NPAS3: variants seen among roughly 807,000 people sequenced by gnomAD.
The protein encoded by NPAS3 is neuronal PAS domain-containing protein 3.
Under a neutral mutation model 73.1 loss-of-function variants are expected in NPAS3, and 14 were observed. The ratio of observed to expected loss-of-function variants is 0.19; its 90% confidence interval spans 0.13 to 0.30. The LOEUF (loss-of-function observed/expected upper bound fraction) is 0.30. Among genes scored for constraint, NPAS3 ranks in the 10% least tolerant of loss-of-function variants. The pLI, the probability that NPAS3 is intolerant of heterozygous loss-of-function variation, is 1.00. For missense variants in NPAS3, 1,096 were observed against 1,250.0 expected (o/e 0.88, Z 1.86); for synonymous variants, 620 against 541.5 (o/e 1.14, Z -2.01).
intron 4 of NPAS3, among the ~76,000 whole-genome samples, chr14:33,374,007 CAGGACACA>C (rs1389245081): frequency 3.9e-5 from 6 of 152,014 alleles, no homozygotes; most frequent in Non-Finnish European, 7.4e-5. Flanking sequence ...CCCTCTTGTT[CAGGACACA>C]AATGTGTCCT....
At chr14:33,639,193 C>A (rs1204688387) in intron 5 of NPAS3, among the ~76,000 whole-genome samples, 1 of 152,092 alleles carries the variant, frequency 6.6e-6, no homozygotes, top group African/African-American at 2.4e-5. Flanking sequence ...CGTTTAAGCC[C>A]CTCTGTAGCT....
At chr14:33,288,415 T>C (rs2041965441) in intron 3 of NPAS3, among the ~76,000 whole-genome samples, 1 of 152,124 alleles carries the variant, frequency 6.6e-6, no homozygotes, top group South Asian at 2.1e-4. Context: ...AACTTTGGAA[T>C]GGGCGAGCAT....
At chr14:33,194,157 G>GT (rs1232758275) in intron 2 of NPAS3, among the ~76,000 whole-genome samples, 3 of 152,170 alleles carry the variant, frequency 2.0e-5, no homozygotes, top group Non-Finnish European at 4.4e-5. Context: ...AATCACTGTA[G>GT]TTAGTGTAAA....
intron 2 of NPAS3, among the ~76,000 whole-genome samples, chr14:33,072,217 C>A (rs778973633): frequency 1.3e-5 from 2 of 152,160 alleles, no homozygotes; most frequent in African/African-American, 4.8e-5. Flanking sequence ...AAAGTGTCAA[C>A]TTTGCTTTTA....
intron 5 of NPAS3, among the ~76,000 whole-genome samples, chr14:33,630,120 C>A (rs2058337445): frequency 6.6e-6 from 1 of 152,144 alleles, no homozygotes; most frequent in South Asian, 2.1e-4. Flanking sequence ...TACTTTGTCT[C>A]CCCACATGTA....
At chr14:33,598,561 T>C (rs753664993) in intron 5 of NPAS3, among the ~76,000 whole-genome samples, 3 of 152,244 alleles carry the variant, frequency 2.0e-5, no homozygotes, top group Non-Finnish European at 4.4e-5. Flanking sequence ...AATTGATCTC[T>C]ATAGAATGAA....
At chr14:33,363,643 C>T (rs868019835) in intron 3 of NPAS3, among the ~76,000 whole-genome samples, 58 of 152,084 alleles carry the variant, frequency 3.8e-4, no homozygotes, top group African/African-American at 1.3e-3. Flanking sequence ...TATACTGGAC[C>T]TACTTTTGTT....
chr14:33,358,919 G>T (rs1036958671), intron 3 of NPAS3, among the ~76,000 whole-genome samples: 1 of 152,188 alleles, frequency 6.6e-6, no homozygotes, highest in Admixed American at 6.5e-5. Flanking sequence ...TAATTCCATA[G>T]CTTGAGATTG....
chr14:33,123,126 AAAT>A (rs1428098530), intron 2 of NPAS3, among the ~76,000 whole-genome samples: 6 of 152,154 alleles, frequency 3.9e-5, no homozygotes, highest in Admixed American at 1.3e-4. Context: ...TTAGATAATT[AAAT>A]AATAGTATTT....
intron 3 of NPAS3, among the ~76,000 whole-genome samples, chr14:33,239,436 A>C (rs1274924683): frequency 6.6e-6 from 1 of 151,874 alleles, no homozygotes; most frequent in Non-Finnish European, 1.5e-5. Context: ...ATAACAAAAC[A>C]GTTTTTTCAA....
chr14:33,655,115 CCCTT>C (rs1388140866), intron 5 of NPAS3, among the ~76,000 whole-genome samples: 5 of 152,018 alleles, frequency 3.3e-5, no homozygotes, highest in Admixed American at 3.3e-4. Flanking sequence ...TCAGTTCAGC[CCCTT>C]CCTTTTATAC....
At chr14:33,039,857 A>T (rs1389835107) in intron 1 of NPAS3, among the ~76,000 whole-genome samples, 10 of 152,208 alleles carry the variant, frequency 6.6e-5, no homozygotes, top group Admixed American at 6.5e-4. Context: ...AATCTGGCTA[A>T]CTTTAGATTG....
At chr14:33,550,183 G>T (rs969531405) in intron 4 of NPAS3, among the ~76,000 whole-genome samples, 1 of 151,890 alleles carries the variant, frequency 6.6e-6, no homozygotes, top group African/African-American at 2.4e-5. Context: ...TTGTTATTTG[G>T]GGTTTGTTTT....
intron 6 of NPAS3, among the ~76,000 whole-genome samples, chr14:33,687,237 TAATAA>T (rs1353118452): frequency 6.6e-6 from 1 of 152,166 alleles, no homozygotes; most frequent in Non-Finnish European, 1.5e-5. Context: ...AATCAATTGG[TAATAA>T]AATATGGAAA....
At chr14:33,123,035 T>C (rs1459243361) in intron 2 of NPAS3, among the ~76,000 whole-genome samples, 1 of 152,094 alleles carries the variant, frequency 6.6e-6, no homozygotes, top group East Asian at 1.9e-4. Context: ...TGGGAAATAC[T>C]GGCCGGACTG....
At chr14:33,748,804 CCTTT>C (rs2061878254) in intron 7 of NPAS3, among the ~76,000 whole-genome samples, 1 of 152,098 alleles carries the variant, frequency 6.6e-6, no homozygotes, top group Non-Finnish European at 1.5e-5. Flanking sequence ...TGCTTTAGCC[CCTTT>C]GAGACATTCT....
chr14:33,662,862 G>A (rs1442282614), intron 5 of NPAS3, among the ~76,000 whole-genome samples: 3 of 145,126 alleles, frequency 2.1e-5, no homozygotes, highest in African/African-American at 7.5e-5. Flanking sequence ...GAGACAATGG[G>A]GTTTTCCTTT....
At chr14:32,979,748 T>G (rs1259018749) in intron 1 of NPAS3, among the ~76,000 whole-genome samples, 3 of 152,148 alleles carry the variant, frequency 2.0e-5, no homozygotes, top group Non-Finnish European at 4.4e-5. Context: ...GTTTTGAAAT[T>G]TTCACTTTTT....
At chr14:33,461,866 A>G (rs1477477617) in intron 4 of NPAS3, among the ~76,000 whole-genome samples, 1 of 152,188 alleles carries the variant, frequency 6.6e-6, no homozygotes, top group African/African-American at 2.4e-5. Context: ...CCTGACACTC[A>G]GTTTCATCAC....
Sources: allele counts gnomAD v4.1 joint callset (sites outside exome capture counted in the v4.1 genomes callset), GRCh38; gene constraint gnomAD v4.1.1; transcripts MANE v1.5; gene names NCBI Gene and HGNC (gene_info 2026-07-23, HGNC 2026-07-21).